Variants in FBRSL1 observed in about 807,000 individuals in gnomAD.
The protein encoded by FBRSL1 is fibrosin like 1, also known as fibrosin-1-like protein.
In FBRSL1, 51 loss-of-function variants were observed where a neutral mutation model predicts 89.6. That is an observed-to-expected ratio of 0.57 (90% confidence interval 0.45 to 0.72). FBRSL1 has a LOEUF of 0.72. Ranked by LOEUF, FBRSL1 falls within the 30% of genes least tolerant of loss-of-function variation. The pLI is 0.00. For missense variants in FBRSL1, 1,618 were observed against 1,451.8 expected (o/e 1.11, Z -1.86); for synonymous variants, 779 against 681.1 (o/e 1.14, Z -2.24).
chr12:132,503,750 G>A (rs926311881), intron 1 of FBRSL1, among the ~76,000 whole-genome samples: 1 of 152,238 alleles, frequency 6.6e-6, no homozygotes, highest in African/African-American at 2.4e-5. Flanking sequence ...GTGCTCTGCA[G>A]GGAGAGCTGT....
chr12:132,528,603 GCCTGGGGGGAGCGGGTGTGTGT>G (rs1321922194), intron 4 of FBRSL1, among the ~76,000 whole-genome samples: 1 of 150,938 alleles, frequency 6.6e-6, no homozygotes, highest in Non-Finnish European at 1.5e-5. Context: ...GCGGGTGTCT[GCCTGGGGGGAGCGGGTGTGTGT>G]CCGGGGGAGC....
chr12:132,568,300 T>C (rs548876177), intron 6 of FBRSL1, among the ~76,000 whole-genome samples: 10 of 152,378 alleles, frequency 6.6e-5, no homozygotes, highest in Admixed American at 3.3e-4. Context: ...CCGGATGTGA[T>C]TGGACAGGAC....
At position 132,490,680 on chromosome 12, in the gene FBRSL1, A is replaced by G. The variant is rs2030690582; in HGVS notation, c.110A>G (p.Glu37Gly). The stretch of plus-strand genomic sequence containing the variant: ...GCCCAGAGTCCGTCGTCGGGCGACG[A>G]GCCCGAGCCCAGCCCCGGCAAGGAG... ...ARAQSPSSGD[E>G]PEPSPGKENA... The change falls in exon 1 of 19, where the codon GAG becomes GGG. Residue 37 changes from glutamate (E) to glycine (G), a missense_variant. Physicochemically the swap from Glu to Gly is moderately conservative, Grantham distance 98. Coordinates refer to ENST00000680143, the MANE Select transcript of FBRSL1 (RefSeq NM_001367871.1). 1 of 998,950 alleles carries G rather than the reference A, an allele frequency of 1.0e-6. No homozygotes were observed. The highest frequency in any genetic ancestry group is 1.2e-6 in the Non-Finnish European group (1 of 835,566). 61.9% of individuals were successfully genotyped at this position (998,950 alleles called of 1,614,324 possible).
chr12:132,551,506 G>A (rs1031798501), intron 5 of FBRSL1: 37 of 456,186 alleles, frequency 8.1e-5, no homozygotes, highest in African/African-American at 4.4e-4. Context: ...GGGCGCGGGC[G>A]CATGTCTCAG....
intron 13 of FBRSL1, 24 bp from the exon 14 acceptor site, chr12:132,574,469 C>T (rs2040251174): frequency 6.5e-7 from 1 of 1,549,520 alleles, no homozygotes; most frequent in Non-Finnish European, 8.7e-7. Context: ...ACCAGCCCCA[C>T]TGAGCGCTTC....
At position 132,550,105 on chromosome 12, in the gene FBRSL1, C is replaced by CGG. The variant is rs1566184573; in HGVS notation, c.645+2073_645+2074insGG. Among the ~76,000 whole-genome samples, 4 of 151,322 alleles carry CGG rather than the reference C, an allele frequency of 2.6e-5. 1 individual carries two copies. Among genetic ancestry groups the CGG allele is most frequent in the East Asian group, 1.9e-4 (1 of 5,156 alleles). On this transcript the variant is annotated intron_variant, in intron 5 of 18. Coordinates refer to ENST00000680143, the MANE Select transcript of FBRSL1 (RefSeq NM_001367871.1). Reference sequence around the variant, plus strand: ...AGGGAGAGTTTGGCATTCCTGCACACAGAGGGTCCCGGCAGGGCGAGTTTG... The same window carrying CGG: ...AGGGAGAGTTTGGCATTCCTGCACACGGAGAGGGTCCCGGCAGGGCGAGTTTG...
intron 2 of FBRSL1, among the ~76,000 whole-genome samples, chr12:132,521,882 C>T (rs2035389438): frequency 6.6e-6 from 1 of 152,132 alleles, no homozygotes; most frequent in Non-Finnish European, 1.5e-5. Flanking sequence ...CCACTTTGGG[C>T]GGGGCCTGCG....
chr12:132,495,446 C>T (rs1394820636), intron 1 of FBRSL1, among the ~76,000 whole-genome samples: 2 of 152,186 alleles, frequency 1.3e-5, no homozygotes, highest in Non-Finnish European at 2.9e-5. Context: ...ATGCCTGGCC[C>T]ATCTCTCAGA....
chr12:132,511,612 C>T (rs1191234441), intron 2 of FBRSL1: 1 of 985,512 alleles, frequency 1.0e-6, no homozygotes, highest in African/African-American at 1.7e-5. Flanking sequence ...CACCTGGACC[C>T]CTGCGCCACG....
intron 1 of FBRSL1, among the ~76,000 whole-genome samples, chr12:132,493,249 C>T (rs1049402686): frequency 4.6e-5 from 7 of 152,244 alleles, no homozygotes; most frequent in Admixed American, 2.0e-4. Flanking sequence ...TTGGCTCTGC[C>T]GCCTTTGCTC....
rs1311456278 is a variant in FBRSL1, at chr12:132,576,819, C to A, written c.1722C>A (p.His574Gln). The change falls in exon 15 of 19, where the codon CAC (histidine) becomes CAA (glutamine). Residue 574 changes from histidine (H) to glutamine (Q), a missense_variant. His to Gln is a conservative substitution (Grantham distance 24). Transcript: ENST00000680143. ...CCCAGGAGATGCAGCTGGACCCCCA[C>A]AAGCTGGAGGTGGGTGCAAAGCTGG... is the stretch of plus-strand genomic sequence containing the variant. ...QKIKEMQLDP[H>Q]KLEVGAKLDL... The A allele has an allele frequency of 2.6e-6, 4 of 1,550,788 alleles. No individual in the cohort carries two copies. The highest frequency in any genetic ancestry group is 2.6e-6 in the Non-Finnish European group (3 of 1,146,868).
At chr12:132,494,417 G>A (rs1346236784) in intron 1 of FBRSL1, among the ~76,000 whole-genome samples, 1 of 152,220 alleles carries the variant, frequency 6.6e-6, no homozygotes, top group Non-Finnish European at 1.5e-5. Context: ...CTGGCCTCAG[G>A]CCACAGAACA....
chr12:132,498,781 A>C (rs2032484286), intron 1 of FBRSL1, among the ~76,000 whole-genome samples: 1 of 152,106 alleles, frequency 6.6e-6, no homozygotes, highest in South Asian at 2.1e-4. Context: ...TCAGAGGCTG[A>C]AGAGCCATCA....
chr12:132,575,606 G>A (rs11146945), intron 14 of FBRSL1, among the ~76,000 whole-genome samples: 103,925 of 152,264 alleles, frequency 0.68, 35,774 homozygotes, highest in East Asian at 0.82. Context: ...GCTCCTGGTG[G>A]GGGGCCGTCC....
At chr12:132,504,911 C>G (rs765421208) in intron 1 of FBRSL1, among the ~76,000 whole-genome samples, 5 of 152,098 alleles carry the variant, frequency 3.3e-5, no homozygotes, top group Non-Finnish European at 7.4e-5. Flanking sequence ...GGGCGGATCA[C>G]CTGAGGTCAG....
intron 2 of FBRSL1, chr12:132,511,699 C>T (rs2034359876): frequency 9.1e-6 from 9 of 985,342 alleles, no homozygotes; most frequent in Admixed American, 1.2e-4. Flanking sequence ...GGATGGGTGT[C>T]CCTGGCTCCC....
At position 132,574,315 on chromosome 12, in the gene FBRSL1, A is replaced by G; in HGVS notation, c.1600-4A>G. The stretch of plus-strand genomic sequence containing the variant: ...GACCTCACACTCCTTTCCTGTCTCC[A>G]CAGGTGTCTGACCCGTACCGGGCGG... On this transcript the variant is annotated splice_region_variant and splice_polypyrimidine_tract_variant and intron_variant, in intron 12 of 18. Coordinates refer to ENST00000680143, the MANE Select transcript of FBRSL1 (RefSeq NM_001367871.1). 6.5e-7 allele frequency: 1 copy of G among 1,541,936 alleles called. No homozygotes were observed. Among genetic ancestry groups the G allele is most frequent in the Non-Finnish European group, 8.7e-7 (1 of 1,143,394 alleles).
intron 2 of FBRSL1, among the ~76,000 whole-genome samples, chr12:132,512,765 G>C (rs2034483051): frequency 6.6e-6 from 1 of 152,208 alleles, no homozygotes; most frequent in South Asian, 2.1e-4. Flanking sequence ...CCCTTAATGG[G>C]GAAGGCCAGG....
chr12:132,578,205 C>T (rs775605410), intron 15 of FBRSL1, among the ~76,000 whole-genome samples: 3 of 152,160 alleles, frequency 2.0e-5, no homozygotes, highest in East Asian at 1.9e-4. Flanking sequence ...CATGACCAGG[C>T]GTGGTGGCGC....
Sources: allele counts gnomAD v4.1 joint callset (sites outside exome capture counted in the v4.1 genomes callset), GRCh38; gene constraint gnomAD v4.1.1; transcripts MANE v1.5; gene names NCBI Gene and HGNC (gene_info 2026-07-23, HGNC 2026-07-21).